SEMA4D: variants seen among roughly 807,000 people sequenced by gnomAD.
SEMA4D encodes semaphorin 4D.
A neutral mutation model predicts 74.8 loss-of-function variants in SEMA4D; 22 were observed. The ratio of observed to expected loss-of-function variants is 0.29; its 90% CI spans 0.21 to 0.42. The LOEUF is 0.42. Ranked by LOEUF, SEMA4D falls within the 10% of genes least tolerant of loss-of-function variation. The probability of loss-of-function intolerance (pLI) is 1.00; values close to 1 mark genes in which losing one functional copy is unlikely to be tolerated. For synonymous variants in SEMA4D, 445 were observed against 463.7 expected, an observed-to-expected ratio of 0.96 and a Z score of 0.52; for missense variants, 937 against 1,118.4, an observed-to-expected ratio of 0.84 and a Z score of 2.31.
chr9:89,373,108 G>A (rs148153732), downstream of SEMA4D, among the ~76,000 whole-genome samples: 8 of 151,890 alleles, frequency 5.3e-5, no homozygotes, highest in Non-Finnish European at 8.8e-5. Context: ...GGACAAGGGT[G>A]GGCCTCCACC....
intron 16 of SEMA4D, among the ~76,000 whole-genome samples, chr9:89,370,969 G>A (rs1279888629): frequency 7.5e-6 from 1 of 132,946 alleles, no homozygotes; most frequent in Admixed American, 8.0e-5. Context: ...GGGGTAGGGT[G>A]TGTATCTGGG....
At position 89,402,873 on chromosome 9, in the gene SEMA4D, C is replaced by T. The variant is rs1842509674; in HGVS notation, c.250G>A (p.Glu84Lys). ...ATGCAGGGGAGCCCAGGACGTACCT[C>T]ATGCTGCTTCTCGGAGATGTTGAGT... Reference protein sequence around the residue: ...NALNISEKQHEVYWKVSEDKK... With the variant: ...NALNISEKQHKVYWKVSEDKK... The change falls in exon 4 of 16, where the codon GAG becomes AAG. Residue 84 changes from glutamate to lysine, a missense_variant and splice_region_variant. Coordinates refer to ENST00000422704, the MANE Select transcript of SEMA4D (RefSeq NM_001371194.2). 1 of 1,613,214 alleles carries T rather than the reference C, an allele frequency of 6.2e-7. No individual in the cohort carries two copies. The highest frequency in any genetic ancestry group is 8.5e-7 in the Non-Finnish European group (1 of 1,179,352).
At chr9:89,371,911 G>T (rs149457912) in intron 16 of SEMA4D, among the ~76,000 whole-genome samples, 1 of 7,874 alleles carries the variant, frequency 1.3e-4, no homozygotes, top group Admixed American at 1.1e-3. Context: ...GTATGTGTGT[G>T]GTGTGTGGGG....
chr9:89,388,374 C>T (rs1385408698), intron 11 of SEMA4D, among the ~76,000 whole-genome samples: 2 of 152,240 alleles, frequency 1.3e-5, no homozygotes, highest in East Asian at 3.8e-4. Context: ...GAAAATGAAA[C>T]AGACCTAATT....
At chr9:89,382,068 G>A (rs1394435506) in intron 13 of SEMA4D, among the ~76,000 whole-genome samples, 2 of 152,136 alleles carry the variant, frequency 1.3e-5, no homozygotes, top group East Asian at 3.9e-4. Context: ...CCACCTTCTG[G>A]GACACTTGGT....
chr9:89,435,980 G>GC (rs1406347707), intron 2 of SEMA4D, among the ~76,000 whole-genome samples: 2 of 152,148 alleles, frequency 1.3e-5, no homozygotes, highest in African/African-American at 4.8e-5. Context: ...CCAAGGAAGC[G>GC]CCCCCGCTGC....
At chr9:89,392,373 A>C in intron 8 of SEMA4D, 50 bp downstream of exon 8, 2 of 1,339,644 alleles carry the variant, frequency 1.5e-6, no homozygotes, top group Non-Finnish European at 2.1e-6. Flanking sequence ...ACAGGTGTGC[A>C]CTCATGAGGA....
exon 19 of SEMA4D, chr9:89,361,311 C>T (rs1832743629): frequency 1.3e-5 from 2 of 152,234 alleles, no homozygotes; most frequent in South Asian, 2.1e-4. Flanking sequence ...GAGAATTTGT[C>T]CAGCTCCAGA....
At chr9:89,387,208 G>C (rs1838725614) in intron 12 of SEMA4D, 178 bp downstream of exon 12, 1 of 584,808 alleles carries the variant, frequency 1.7e-6, no homozygotes, top group South Asian at 2.3e-5. Context: ...TCCCAGATCT[G>C]AAAGCCACCT....
At chr9:89,442,635 A>G (rs1199326043) in intron 2 of SEMA4D, among the ~76,000 whole-genome samples, 1 of 152,182 alleles carries the variant, frequency 6.6e-6, no homozygotes, top group Admixed American at 6.5e-5. Flanking sequence ...AATGAGTTTC[A>G]CTTCCACAGG....
chr9:89,477,356 A>G (rs918099333), intron 1 of SEMA4D, among the ~76,000 whole-genome samples: 2 of 152,102 alleles, frequency 1.3e-5, no homozygotes, highest in African/African-American at 2.4e-5. Context: ...AACACTGCCA[A>G]TTTCATTTTC....
At chr9:89,365,084 A>G (rs1833413484) in intron 16 of SEMA4D, 1 of 152,298 alleles carries the variant, frequency 6.6e-6, no homozygotes, top group Admixed American at 6.5e-5. Context: ...TACTGAAGGA[A>G]AAACAAGCAC....
At chr9:89,372,321 G>A (rs1379621624), downstream of SEMA4D, among the ~76,000 whole-genome samples, 4 of 110,758 alleles carry the variant, frequency 3.6e-5, no homozygotes, top group African/African-American at 1.4e-4. Flanking sequence ...CGGGGGTGTG[G>A]TGTCTGAGGT....
intron 1 of SEMA4D, among the ~76,000 whole-genome samples, chr9:89,481,177 ACAC>A (rs1824628573): frequency 6.6e-6 from 1 of 152,164 alleles, no homozygotes; most frequent in Admixed American, 6.5e-5. Context: ...AAGCTGAAAA[ACAC>A]CATGTTAGGA....
intron 5 of SEMA4D, among the ~76,000 whole-genome samples, chr9:89,398,156 CTTTCT>C: frequency 6.6e-6 from 1 of 152,100 alleles, no homozygotes; most frequent in Non-Finnish European, 1.5e-5. Context: ...CCGATTGGTT[CTTTCT>C]GAACATCTTT....
At chr9:89,406,017 T>C in intron 2 of SEMA4D, 1 of 885,050 alleles carries the variant, frequency 1.1e-6, no homozygotes, top group Non-Finnish European at 1.4e-6. Flanking sequence ...GCTTCCTTCC[T>C]GTGTGGCTGC....
intron 1 of SEMA4D, among the ~76,000 whole-genome samples, chr9:89,467,193 G>A (rs1328861305): frequency 6.6e-6 from 1 of 152,124 alleles, no homozygotes; most frequent in African/African-American, 2.4e-5. Flanking sequence ...CACGGCCCTT[G>A]CACTTGTATG....
At chr9:89,372,396 G>GGT (rs146412185), downstream of SEMA4D, among the ~76,000 whole-genome samples, 1 of 146,260 alleles carries the variant, frequency 6.8e-6, no homozygotes, top group African/African-American at 2.6e-5. Flanking sequence ...GTGTGTCGGG[G>GGT]GTGTGTGTGT....
chr9:89,389,676 A>G (rs1839374596), intron 9 of SEMA4D, among the ~76,000 whole-genome samples: 1 of 152,246 alleles, frequency 6.6e-6, no homozygotes, highest in Non-Finnish European at 1.5e-5. Context: ...TGGTCTGGAG[A>G]GAAATACTGA....
Sources: gnomAD v4.1 joint callset for allele counts (sites outside exome capture counted in the v4.1 genomes callset) on GRCh38, gnomAD v4.1.1 for gene constraint, MANE v1.5 for transcripts, NCBI Gene and HGNC (gene_info 2026-07-23, HGNC 2026-07-21) for gene names.